The following NKIRAS1 variants were observed in gnomAD, a reference collection of about 807,000 sequenced individuals.
The protein encoded by NKIRAS1 is NF-kappa-B inhibitor-interacting Ras-like protein 1.
A neutral mutation model predicts 19.8 loss-of-function variants in NKIRAS1; 16 were observed. The ratio of observed to expected loss-of-function variants is 0.81; its 90% CI spans 0.55 to 1.23. NKIRAS1 has a LOEUF of 1.23. Among genes scored for constraint, NKIRAS1 ranks in the 50% most tolerant of loss-of-function variants. The pLI, the probability that NKIRAS1 is intolerant of heterozygous loss-of-function variation, is 0.00. For missense variants in NKIRAS1, 184 were observed against 220.0 expected (o/e 0.84, Z 1.04); for synonymous variants, 88 against 79.0 (o/e 1.11, Z -0.61).
intron 3 of NKIRAS1, among the ~76,000 whole-genome samples, chr3:23,905,428 A>G (rs891167396): frequency 6.6e-6 from 1 of 152,170 alleles, no homozygotes; most frequent in Non-Finnish European, 1.5e-5. Context: ...CAAAATTCCG[A>G]AAGTATATTA....
chr3:23,896,442 C>A (rs1419200876), intron 4 of NKIRAS1, among the ~76,000 whole-genome samples: 2 of 151,882 alleles, frequency 1.3e-5, no homozygotes, highest in African/African-American at 2.4e-5. Context: ...TGGTGAAACC[C>A]TGTCGTCTAA....
chr3:23,909,247 C>T (rs942043776), intron 3 of NKIRAS1, among the ~76,000 whole-genome samples: 13 of 152,120 alleles, frequency 8.5e-5, no homozygotes, highest in Non-Finnish European at 1.8e-4. Flanking sequence ...GTGGGCCAGG[C>T]GCAGTGGCTC....
At chr3:23,917,701 G>A (rs183657138), upstream of NKIRAS1, 2,735 of 737,602 alleles carry the variant, frequency 3.7e-3, 14 homozygotes, top group South Asian at 3.7e-3. Context: ...CAGTGGTGGG[G>A]GTTGGGCTAG....
In NKIRAS1 at chr3:23,911,328, C is replaced by G. The variant is rs1233939601; in HGVS notation, c.-18+1G>C. On this transcript the variant is annotated splice_donor_variant, in intron 2 of 4. Coordinates refer to ENST00000425478, the MANE Select transcript of NKIRAS1 (RefSeq NM_020345.4). LOFTEE classifies it low-confidence loss of function (5UTR_SPLICE). ...AATTAGCCAGGCGTGGTGGCACTCA[C>G]CTGTAATCCCAGCTACTGGGGAGGC... The G allele has an allele frequency of 6.2e-6, 1 of 162,048 alleles. No homozygotes were observed. The highest frequency in any genetic ancestry group is 5.9e-5 in the Admixed American group (1 of 16,914). The allele number at this position is 162,048 out of a possible 1,614,324, so 10.0% of individuals were successfully genotyped here. A position where few individuals can be genotyped will look rare whatever the true frequency, so the allele number is the denominator to read the frequency against.
chr3:23,934,244 T>C (rs1013564669), intron 1 of NKIRAS1, among the ~76,000 whole-genome samples: 1 of 152,144 alleles, frequency 6.6e-6, no homozygotes. Flanking sequence ...CTTTTTTCCA[T>C]AAAGAAAAAC....
chr3:23,930,091 G>A lies in NKIRAS1; in HGVS notation c.-140+16232C>T, dbSNP rs115571450. Among the ~76,000 whole-genome samples the A allele has an allele frequency of 7.9e-3, 1,195 of 152,198 alleles. 13 individuals carry two copies. The highest frequency in any genetic ancestry group is 0.027 in the African/African-American group (1,124 of 41,508). On this transcript the variant is annotated intron_variant, in intron 1 of 4. Coordinates refer to the NKIRAS1 transcript ENST00000421515. ...TCATATATATTGAGTCTACTTAAAGGCATTGGAGAGCTAATAAGCAATGAA... is the reference window on the plus strand; with the variant it reads ...TCATATATATTGAGTCTACTTAAAGACATTGGAGAGCTAATAAGCAATGAA...
intron 1 of NKIRAS1, among the ~76,000 whole-genome samples, chr3:23,938,807 T>C (rs1442575874): frequency 6.6e-6 from 1 of 152,216 alleles, no homozygotes; most frequent in Non-Finnish European, 1.5e-5. Context: ...CCTTATCCCA[T>C]GGAACACCTG....
chr3:23,903,022 T>TC (rs1379427921), intron 3 of NKIRAS1, among the ~76,000 whole-genome samples: 1 of 152,220 alleles, frequency 6.6e-6, no homozygotes, highest in Non-Finnish European at 1.5e-5. Context: ...CATCTAGGTT[T>TC]CCCCAATAAA....
chr3:23,911,037 A>G (rs1703649947), intron 2 of NKIRAS1, 116 bp from the exon 3 acceptor site: 1 of 744,148 alleles, frequency 1.3e-6, no homozygotes, highest in Non-Finnish European at 2.3e-6. Context: ...TTTCAAATAC[A>G]GAAAAGGAGA....
At chr3:23,944,656 T>C (rs1284874269) in intron 1 of NKIRAS1, among the ~76,000 whole-genome samples, 2 of 152,202 alleles carry the variant, frequency 1.3e-5, no homozygotes, top group Non-Finnish European at 2.9e-5. Context: ...AACGGGCTGC[T>C]GGATGTAGGA....
At chr3:23,946,298 C>A in intron 1 of NKIRAS1, 1 of 985,450 alleles carries the variant, frequency 1.0e-6, no homozygotes, top group Non-Finnish European at 1.2e-6. Context: ...CGAACCGGCG[C>A]CTGGGGAGGC....
At chr3:23,929,373 A>C (rs887125687) in intron 1 of NKIRAS1, among the ~76,000 whole-genome samples, 1 of 152,158 alleles carries the variant, frequency 6.6e-6, no homozygotes, top group Non-Finnish European at 1.5e-5. Context: ...CAAAAAATAA[A>C]TAAATAAAAT....
intron 1 of NKIRAS1, among the ~76,000 whole-genome samples, chr3:23,924,782 T>C (rs1276632175): frequency 1.3e-5 from 2 of 152,256 alleles, no homozygotes; most frequent in Non-Finnish European, 1.5e-5. Flanking sequence ...CTTTCAATTC[T>C]AAGTTCTGAT....
At chr3:23,942,700 G>T (rs1705527375) in intron 1 of NKIRAS1, among the ~76,000 whole-genome samples, 1 of 151,786 alleles carries the variant, frequency 6.6e-6, no homozygotes. Flanking sequence ...CAAAGTGCTG[G>T]GTGAGCCACC....
intron 1 of NKIRAS1, among the ~76,000 whole-genome samples, chr3:23,943,375 G>C (rs541385948): frequency 1.3e-5 from 2 of 152,212 alleles, no homozygotes; most frequent in Non-Finnish European, 1.5e-5. Context: ...TGGGATTACA[G>C]GCATGCGCCA....
chr3:23,900,085 C>G (rs1435878045), intron 4 of NKIRAS1, among the ~76,000 whole-genome samples: 13 of 152,090 alleles, frequency 8.5e-5, no homozygotes, highest in Non-Finnish European at 1.9e-4. Flanking sequence ...TCCCTTGAAC[C>G]TGGGAGTTGG....
upstream of NKIRAS1, chr3:23,917,542 C>T (rs1704694436): frequency 3.7e-6 from 1 of 267,714 alleles, no homozygotes; most frequent in Non-Finnish European, 7.1e-6. Context: ...GCGGCATCTC[C>T]TTTCAGGTCC....
chr3:23,906,045 G>A (rs1328473879), intron 3 of NKIRAS1, among the ~76,000 whole-genome samples: 1 of 151,474 alleles, frequency 6.6e-6, no homozygotes. Context: ...CGTAATCCCA[G>A]CTACTTGGGA....
intron 3 of NKIRAS1, among the ~76,000 whole-genome samples, chr3:23,904,039 C>T (rs151271459): frequency 1.0e-3 from 152 of 152,204 alleles, no homozygotes; most frequent in African/African-American, 3.5e-3. Flanking sequence ...GTGGTGCGCA[C>T]CTGTAATTGC....
Sources: allele counts gnomAD v4.1 joint callset (sites outside exome capture counted in the v4.1 genomes callset), GRCh38; gene constraint gnomAD v4.1.1; transcripts MANE v1.5; gene names NCBI Gene and HGNC (gene_info 2026-07-23, HGNC 2026-07-21).